MSRB3: variants seen among roughly 807,000 people sequenced by gnomAD.
MSRB3 encodes the protein methionine-R-sulfoxide reductase B3.
MSRB3 carries 13 observed loss-of-function variants against 21.0 expected under a neutral mutation model. The observed-to-expected ratio is 0.62, with a 90% CI of 0.40 to 0.98. MSRB3 has a LOEUF of 0.98. Among genes scored for constraint, MSRB3 ranks in the 50% least tolerant of loss-of-function variants. MSRB3 has a pLI of 0.00. For missense variants in MSRB3, 199 were observed against 230.3 expected (o/e 0.86, Z 0.88); for synonymous variants, 87 against 88.6 (o/e 0.98, Z 0.10).
intron 5 of MSRB3, among the ~76,000 whole-genome samples, chr12:65,413,958 A>G (rs1378793195): frequency 6.6e-6 from 1 of 152,166 alleles, no homozygotes; most frequent in African/African-American, 2.4e-5. Flanking sequence ...CAAAGGCCTT[A>G]TGATAAATGT....
At chr12:65,418,655 T>A (rs1350143995) in intron 5 of MSRB3, 1 of 626,464 alleles carries the variant, frequency 1.6e-6, no homozygotes, top group Middle Eastern at 4.3e-4. Flanking sequence ...TTTTGAGTTT[T>A]TTTTTTTTAA....
chr12:65,385,340 T>G (rs953828606), intron 5 of MSRB3, among the ~76,000 whole-genome samples: 3 of 152,088 alleles, frequency 2.0e-5, no homozygotes, highest in Non-Finnish European at 4.4e-5. Flanking sequence ...CCACCCGACA[T>G]TGTTACAGCA....
At chr12:65,424,605 T>C (rs1461021509) in intron 5 of MSRB3, among the ~76,000 whole-genome samples, 1 of 152,112 alleles carries the variant, frequency 6.6e-6, no homozygotes, top group African/African-American at 2.4e-5. Context: ...CTTCTTCACA[T>C]GTGTGAATTT....
At chr12:65,346,380 C>T (rs1565845284) in intron 4 of MSRB3, among the ~76,000 whole-genome samples, 1 of 152,106 alleles carries the variant, frequency 6.6e-6, no homozygotes, top group Non-Finnish European at 1.5e-5. Context: ...ACATAAATGT[C>T]TCCTTTTGAG....
chr12:65,343,703 G>A (rs549672407), intron 4 of MSRB3, among the ~76,000 whole-genome samples: 1 of 152,176 alleles, frequency 6.6e-6, no homozygotes, highest in East Asian at 1.9e-4. Flanking sequence ...GGTAGTAAGA[G>A]ATGGAGCTAG....
At chr12:65,350,053 TAAGTC>T (rs879268394) in intron 4 of MSRB3, among the ~76,000 whole-genome samples, 7 of 152,098 alleles carry the variant, frequency 4.6e-5, no homozygotes, top group Non-Finnish European at 1.0e-4. Context: ...GTCTAACATT[TAAGTC>T]TTTAATCCAT....
intron 4 of MSRB3, among the ~76,000 whole-genome samples, chr12:65,342,525 G>A (rs1876212164): frequency 6.6e-6 from 1 of 151,820 alleles, no homozygotes; most frequent in Non-Finnish European, 1.5e-5. Flanking sequence ...AATACTACAG[G>A]GTAGAGTGTG....
chr12:65,332,474 C>G (rs895775812), intron 4 of MSRB3, among the ~76,000 whole-genome samples: 1 of 151,674 alleles, frequency 6.6e-6, no homozygotes, highest in Non-Finnish European at 1.5e-5. Context: ...CTAATCACAC[C>G]GGGGCCTGTT....
chr12:65,450,968 A>T (rs1274112997), intron 5 of MSRB3, among the ~76,000 whole-genome samples: 2 of 151,966 alleles, frequency 1.3e-5, no homozygotes, highest in Non-Finnish European at 2.9e-5. Flanking sequence ...ATTGTCATTA[A>T]GTACTTACCT....
chr12:65,291,485 T>TA (rs1248535463), intron 1 of MSRB3, among the ~76,000 whole-genome samples: 127 of 140,152 alleles, frequency 9.1e-4, no homozygotes, highest in Middle Eastern at 3.6e-3. Flanking sequence ...TCTCTCATCT[T>TA]AAAAAAAAAA....
At chr12:65,410,719 T>C (rs1369402978) in intron 5 of MSRB3, among the ~76,000 whole-genome samples, 1 of 152,226 alleles carries the variant, frequency 6.6e-6, no homozygotes, top group Non-Finnish European at 1.5e-5. Context: ...TAGCTCTTGC[T>C]AAAACTGATA....
intron 5 of MSRB3, among the ~76,000 whole-genome samples, chr12:65,452,198 C>T (rs1040317352): frequency 6.6e-6 from 1 of 151,902 alleles, no homozygotes; most frequent in African/African-American, 2.4e-5. Context: ...CAAGTGTGTC[C>T]CTCCCACAAT....
chr12:65,309,861 G>A (rs1261116624), intron 2 of MSRB3, among the ~76,000 whole-genome samples: 1 of 152,120 alleles, frequency 6.6e-6, no homozygotes, highest in Admixed American at 6.6e-5. Flanking sequence ...TGGCTGGTTT[G>A]GATGTGCAAG....
At chr12:65,351,952 A>G (rs536442408) in intron 4 of MSRB3, among the ~76,000 whole-genome samples, 1 of 152,290 alleles carries the variant, frequency 6.6e-6, no homozygotes, top group East Asian at 1.9e-4. Context: ...AATCGTCCCT[A>G]ACTCATTTTA....
At chr12:65,349,213 C>A (rs909144691) in intron 4 of MSRB3, among the ~76,000 whole-genome samples, 3 of 152,078 alleles carry the variant, frequency 2.0e-5, no homozygotes, top group African/African-American at 7.2e-5. Flanking sequence ...CCAGTTTCAT[C>A]CATGCCCCTA....
At chr12:65,427,013 C>A (rs1177814190) in intron 5 of MSRB3, among the ~76,000 whole-genome samples, 2 of 152,098 alleles carry the variant, frequency 1.3e-5, no homozygotes, top group Non-Finnish European at 2.9e-5. Context: ...GTTTTGAATT[C>A]TTTGTCAGGC....
intron 2 of MSRB3, among the ~76,000 whole-genome samples, chr12:65,323,941 T>G (rs185493984): frequency 1.3e-5 from 2 of 152,332 alleles, no homozygotes; most frequent in East Asian, 3.9e-4. Flanking sequence ...ATTGAATTGT[T>G]TAATGTAAAA....
At chr12:65,290,474 T>A (rs1315035103) in intron 1 of MSRB3, among the ~76,000 whole-genome samples, 1 of 152,228 alleles carries the variant, frequency 6.6e-6, no homozygotes, top group Non-Finnish European at 1.5e-5. Flanking sequence ...CCTAGTGTGA[T>A]GTTCAAATGG....
At chr12:65,290,147 A>T (rs1872594041) in intron 1 of MSRB3, among the ~76,000 whole-genome samples, 1 of 147,658 alleles carries the variant, frequency 6.8e-6, no homozygotes, top group Non-Finnish European at 1.5e-5. Context: ...AATAGTGATG[A>T]TAATAGTGAT....
Sources: allele counts gnomAD v4.1 joint callset (sites outside exome capture counted in the v4.1 genomes callset), GRCh38; gene constraint gnomAD v4.1.1; transcripts MANE v1.5; gene names NCBI Gene and HGNC (gene_info 2026-07-23, HGNC 2026-07-21).